Variants in RNF182 observed in about 807,000 individuals in gnomAD.
RNF182 encodes the protein ring finger protein 182.
Under a neutral mutation model 14.4 loss-of-function variants are expected in RNF182, and 15 were observed. That is an observed-to-expected ratio of 1.04 (90% CI 0.70 to 1.60). The LOEUF (loss-of-function observed/expected upper bound fraction) is 1.60. Among genes scored for constraint, RNF182 ranks in the 40% most tolerant of loss-of-function variants. The pLI is 0.00. For missense variants in RNF182, 268 were observed against 294.8 expected (o/e 0.91, Z 0.67); for synonymous variants, 128 against 122.9 (o/e 1.04, Z -0.27).
chr6:13,977,921 T>C lies in RNF182; in HGVS notation c.*58T>C. 1 of 1,456,354 alleles carries C rather than the reference T, an allele frequency of 6.9e-7. No individual in the cohort carries two copies. The highest frequency in any genetic ancestry group is 9.2e-7 in the Non-Finnish European group (1 of 1,083,640). 90.2% of individuals were successfully genotyped at this position (1,456,354 alleles called of 1,614,324 possible). A position where few individuals can be genotyped will look rare whatever the true frequency, so the allele number is the denominator to read the frequency against. ...TGCCCTGTTTGAGTGTGAAGTTAGA[T>C]AATTTATAATTTATTTTCTTTTATG... is the stretch of plus-strand genomic sequence containing the variant. On this transcript the variant is annotated 3_prime_UTR_variant, in exon 3 of 3. Transcript: ENST00000488300.
At chr6:13,967,694 T>A (rs1460502244) in intron 1 of RNF182, among the ~76,000 whole-genome samples, 1 of 152,148 alleles carries the variant, frequency 6.6e-6, no homozygotes, top group Non-Finnish European at 1.5e-5. Context: ...AAATTTTATT[T>A]AGAAATTTAA....
chr6:13,977,900 C>T lies in RNF182; in HGVS notation c.*37C>T. 6.5e-7 allele frequency: 1 copy of T among 1,546,950 alleles called. No individual in the cohort carries two copies. Among genetic ancestry groups the T allele is most frequent in the Non-Finnish European group, 8.7e-7 (1 of 1,146,172 alleles). ...AATAAGAAATTGGACACACATTGCC[C>T]TGTTTGAGTGTGAAGTTAGATAATT... On this transcript the variant is annotated 3_prime_UTR_variant, in exon 3 of 3. Coordinates refer to ENST00000488300, the MANE Select transcript of RNF182 (RefSeq NM_152737.4).
intron 1 of RNF182, chr6:13,949,292 A>G (rs1413939638): frequency 2.6e-6 from 2 of 778,524 alleles, no homozygotes; most frequent in Admixed American, 3.4e-5. Flanking sequence ...ATCTGTCAGA[A>G]ACCTGACATG....
chr6:13,955,066 A>G (rs917905539), intron 1 of RNF182, among the ~76,000 whole-genome samples: 7 of 152,220 alleles, frequency 4.6e-5, no homozygotes, highest in Admixed American at 4.6e-4. Flanking sequence ...ATTGATAATT[A>G]TTGTGTAGGT....
intron 1 of RNF182, among the ~76,000 whole-genome samples, chr6:13,933,235 A>G (rs1158726242): frequency 6.6e-6 from 1 of 152,192 alleles, no homozygotes; most frequent in African/African-American, 2.4e-5. Context: ...TATGGGTTAT[A>G]TTAAAAAGTA....
In RNF182 at chr6:13,940,303, A is replaced by G. The variant is rs150914715; in HGVS notation, c.-367+15280A>G. Among the ~76,000 whole-genome samples the G allele has an allele frequency of 9.7e-4, 148 of 152,332 alleles. 2 individuals are homozygous for G. In the East Asian group the frequency reaches 0.016, roughly 17 times the overall value. Reference sequence around the variant, plus strand: ...CCTTTATTTTGTCAATATGGTAATCACATTTTAAAAAAATGTTAGAACAGT... The same window carrying G: ...CCTTTATTTTGTCAATATGGTAATCGCATTTTAAAAAAATGTTAGAACAGT... On this transcript the variant is annotated intron_variant, in intron 1 of 2. Transcript: ENST00000488300.
At chr6:13,952,562 C>T (rs999753190) in intron 1 of RNF182, among the ~76,000 whole-genome samples, 2 of 152,002 alleles carry the variant, frequency 1.3e-5, no homozygotes, top group African/African-American at 4.8e-5. Flanking sequence ...ACGGTTTATC[C>T]AAAGTCGGCC....
At chr6:13,948,439 C>A (rs1759492440) in intron 1 of RNF182, among the ~76,000 whole-genome samples, 2 of 152,014 alleles carry the variant, frequency 1.3e-5, no homozygotes, top group Non-Finnish European at 2.9e-5. Flanking sequence ...TAAGTTATAC[C>A]AGAATTATAG....
intron 1 of RNF182, chr6:13,961,455 TAG>T (rs1319786226): frequency 1.3e-5 from 2 of 152,340 alleles, no homozygotes; most frequent in East Asian, 3.9e-4. Context: ...CTCCTGACTC[TAG>T]ATGCTATGTG....
chr6:13,970,559 G>A (rs1409690581), intron 1 of RNF182, among the ~76,000 whole-genome samples: 2 of 152,164 alleles, frequency 1.3e-5, no homozygotes, highest in Non-Finnish European at 2.9e-5. Context: ...GGGGGTGCAT[G>A]TATCCCTTTG....
At chr6:13,969,297 A>G (rs1364530067) in intron 1 of RNF182, among the ~76,000 whole-genome samples, 2 of 152,048 alleles carry the variant, frequency 1.3e-5, no homozygotes, top group African/African-American at 4.8e-5. Flanking sequence ...GCTTCAAATA[A>G]AGAGTTGCAG....
At chr6:13,943,705 G>A (rs1393865833) in intron 1 of RNF182, among the ~76,000 whole-genome samples, 4 of 152,278 alleles carry the variant, frequency 2.6e-5, no homozygotes, top group East Asian at 1.9e-4. Flanking sequence ...AGTGAATAAT[G>A]TTAAAGTTTT....
chr6:13,935,295 A>C (rs1759079539), intron 1 of RNF182, among the ~76,000 whole-genome samples: 1 of 143,226 alleles, frequency 7.0e-6, no homozygotes, highest in South Asian at 2.5e-4. Context: ...AACAGGGCAG[A>C]AACAATGTCT....
At chr6:13,938,542 T>C (rs1759200730) in intron 1 of RNF182, among the ~76,000 whole-genome samples, 1 of 152,182 alleles carries the variant, frequency 6.6e-6, no homozygotes, top group Non-Finnish European at 1.5e-5. Context: ...ATCATGAAGA[T>C]ATTCTCCTAT....
At chr6:13,938,548 C>T (rs553721901) in intron 1 of RNF182, among the ~76,000 whole-genome samples, 1 of 152,186 alleles carries the variant, frequency 6.6e-6, no homozygotes, top group East Asian at 1.9e-4. Context: ...AAGATATTCT[C>T]CTATGCTACC....
intron 1 of RNF182, among the ~76,000 whole-genome samples, chr6:13,950,036 A>G (rs1759548017): frequency 6.6e-6 from 1 of 152,238 alleles, no homozygotes; most frequent in Non-Finnish European, 1.5e-5. Flanking sequence ...ATAATTATTC[A>G]GCCCTCTGAA....
chr6:13,943,220 G>C (rs1025319964), intron 1 of RNF182, among the ~76,000 whole-genome samples: 1 of 150,872 alleles, frequency 6.6e-6, no homozygotes, highest in Non-Finnish European at 1.5e-5. Flanking sequence ...CAAAACCCTT[G>C]GTAAAAATAA....
At chr6:13,942,658 C>G (rs1759327709) in intron 1 of RNF182, among the ~76,000 whole-genome samples, 1 of 152,158 alleles carries the variant, frequency 6.6e-6, no homozygotes, top group Admixed American at 6.5e-5. Context: ...AGAATATTCT[C>G]AGCAGCTATC....
chr6:13,933,335 G>C (rs1353153088), intron 1 of RNF182, among the ~76,000 whole-genome samples: 4 of 152,104 alleles, frequency 2.6e-5, no homozygotes, highest in Non-Finnish European at 5.9e-5. Flanking sequence ...GGGCAACATA[G>C]TGAGATCCCA....
Sources: allele counts gnomAD v4.1 joint callset (sites outside exome capture counted in the v4.1 genomes callset), GRCh38; gene constraint gnomAD v4.1.1; transcripts MANE v1.5; gene names NCBI Gene and HGNC (gene_info 2026-07-23, HGNC 2026-07-21).